Variants in SNX29 observed in about 807,000 individuals in gnomAD.
The protein encoded by SNX29 is sorting nexin 29.
Under a neutral mutation model 102.1 loss-of-function variants are expected in SNX29, and 78 were observed. The observed-to-expected ratio is 0.76, with a 90% CI of 0.64 to 0.92. The LOEUF (loss-of-function observed/expected upper bound fraction) is 0.92, where lower values mean the gene tolerates loss of function less well. Ranked by LOEUF, SNX29 falls within the 40% of genes least tolerant of loss-of-function variation. The pLI, the probability that SNX29 is intolerant of heterozygous loss-of-function variation, is 0.00. For synonymous variants in SNX29, 580 were observed against 414.5 expected (o/e 1.40, Z -4.85); for missense variants, 1,280 against 1,061.7 (o/e 1.21, Z -2.86).
chr16:12,233,290 G>T (rs2077825432), intron 14 of SNX29, among the ~76,000 whole-genome samples: 1 of 152,194 alleles, frequency 6.6e-6, no homozygotes, highest in Non-Finnish European at 1.5e-5. Flanking sequence ...CTTTGCAGCA[G>T]TATGAATGCA....
intron 4 of SNX29, among the ~76,000 whole-genome samples, chr16:12,030,544 G>A (rs1040617382): frequency 8.5e-5 from 13 of 152,166 alleles, no homozygotes; most frequent in Admixed American, 5.9e-4. Flanking sequence ...ATGGGTCCCT[G>A]AGCCACTCGC....
chr16:12,353,930 C>T (rs912883790), intron 15 of SNX29, among the ~76,000 whole-genome samples: 1 of 152,198 alleles, frequency 6.6e-6, no homozygotes, highest in Non-Finnish European at 1.5e-5. Flanking sequence ...CCTGTTCTCT[C>T]TCTGTCCTAT....
intron 3 of SNX29, among the ~76,000 whole-genome samples, chr16:12,019,902 A>G (rs975784321): frequency 1.3e-5 from 2 of 151,794 alleles, no homozygotes; most frequent in African/African-American, 2.4e-5. Context: ...CTCCCAAAGC[A>G]CTGGGATTAC....
chr16:12,467,514 G>C (rs754261378), intron 18 of SNX29, among the ~76,000 whole-genome samples: 1 of 152,138 alleles, frequency 6.6e-6, no homozygotes, highest in Non-Finnish European at 1.5e-5. Flanking sequence ...AGAGGGGCAG[G>C]ACCTGTCAGT....
At chr16:12,560,363 C>T (rs1468327797) in intron 20 of SNX29, among the ~76,000 whole-genome samples, 2 of 152,128 alleles carry the variant, frequency 1.3e-5, no homozygotes, top group Non-Finnish European at 2.9e-5. Context: ...CATCTGGTGA[C>T]AGGTTGTGCG....
intron 3 of SNX29, among the ~76,000 whole-genome samples, chr16:12,004,355 A>T (rs966545222): frequency 6.6e-6 from 1 of 151,822 alleles, no homozygotes; most frequent in Admixed American, 6.6e-5. Flanking sequence ...AAAAAAAAAA[A>T]TTCCTAAAAA....
rs983195561 is a variant in SNX29 at position 12,570,056 on chromosome 16, T to G, written c.*1427T>G. 2.3e-5 allele frequency: 13 copies of G among 576,664 alleles called. No individual in the cohort carries two copies. Among genetic ancestry groups the G allele is most frequent in the Admixed American group, 1.7e-4 (3 of 18,116 alleles). The allele number at this position is 576,664 out of a possible 1,614,324, so 35.7% of individuals were successfully genotyped here. On this transcript the variant is annotated 3_prime_UTR_variant, in exon 21 of 21. Transcript: ENST00000566228. Reference sequence around the variant, plus strand: ...AGCATCTCCTAGGCTCGAGGACATCTCTGGAGAATCATCTGGAAGGTTTAT... The same window carrying G: ...AGCATCTCCTAGGCTCGAGGACATCGCTGGAGAATCATCTGGAAGGTTTAT...
Position 12,410,895 on chromosome 16 carries a change from C to T in SNX29, c.2037+7366C>T, listed in dbSNP as rs568806087. On this transcript the variant is annotated intron_variant, in intron 18 of 20. Transcript: ENST00000566228. ...TGATGTTTTTGGACTTCAGGCTTTG[C>T]GTTTCTCAGCTCTTCCTTTTCATCC... 3.9e-5 allele frequency among the ~76,000 whole-genome samples: 6 copies of T among 152,320 alleles called. No homozygotes were observed. In the East Asian group the frequency reaches 9.6e-4, roughly 24 times the overall value.
chr16:11,983,072 G>C (rs772266793), intron 1 of SNX29, among the ~76,000 whole-genome samples: 1 of 151,710 alleles, frequency 6.6e-6, no homozygotes, highest in Non-Finnish European at 1.5e-5. Context: ...CTGGGATTAC[G>C]GGCGTGCACC....
chr16:12,264,465 A>G (rs2078867760), intron 14 of SNX29, among the ~76,000 whole-genome samples: 1 of 152,218 alleles, frequency 6.6e-6, no homozygotes, highest in South Asian at 2.1e-4. Context: ...CAGAAGTCAC[A>G]TGTGCTTATT....
intron 14 of SNX29, among the ~76,000 whole-genome samples, chr16:12,207,225 T>C (rs1488024889): frequency 3.3e-5 from 5 of 151,894 alleles, no homozygotes; most frequent in Non-Finnish European, 7.4e-5. Flanking sequence ...AAAAATTAGC[T>C]AGGTGTGGTG....
intron 11 of SNX29, chr16:12,087,974 C>T (rs2052294531): frequency 2.2e-6 from 1 of 456,712 alleles, no homozygotes; most frequent in Middle Eastern, 3.3e-4. Flanking sequence ...GTCCTCATGG[C>T]TAGACCCTGT....
intron 18 of SNX29, among the ~76,000 whole-genome samples, chr16:12,436,938 C>A (rs145452502): frequency 6.6e-6 from 1 of 152,360 alleles, no homozygotes; most frequent in East Asian, 1.9e-4. Flanking sequence ...CAGGCATGAG[C>A]CACCACGCCC....
At chr16:12,153,845 C>T (rs187523037) in intron 13 of SNX29, among the ~76,000 whole-genome samples, 4 of 152,096 alleles carry the variant, frequency 2.6e-5, no homozygotes, top group East Asian at 1.9e-4. Context: ...TGTAGCAAGC[C>T]GGTGTGACAG....
chr16:12,483,113 A>ATTTTTTTTT (rs2088027764), intron 19 of SNX29, among the ~76,000 whole-genome samples: 2 of 60,458 alleles, frequency 3.3e-5, no homozygotes, highest in African/African-American at 7.2e-5. Context: ...GAAGTTATTA[A>ATTTTTTTTT]GTTTTTTTTT....
At chr16:12,206,718 C>G (rs996795878) in intron 14 of SNX29, among the ~76,000 whole-genome samples, 5 of 151,762 alleles carry the variant, frequency 3.3e-5, no homozygotes, top group African/African-American at 1.2e-4. Context: ...GCAATGGTTC[C>G]TAGTATTGGC....
At chr16:12,441,277 A>G (rs909645436) in intron 18 of SNX29, among the ~76,000 whole-genome samples, 30 of 151,008 alleles carry the variant, frequency 2.0e-4, no homozygotes, top group African/African-American at 6.3e-4. Context: ...TTTGGTAGAG[A>G]CGGGGTTTCA....
Position 12,398,358 on chromosome 16 carries a change from T to C in SNX29, c.1900-88T>C, listed in dbSNP as rs539147327. 1.8e-5 allele frequency: 25 copies of C among 1,406,942 alleles called. No individual in the cohort carries two copies. The African/African-American group carries it at 3.5e-4, about 20-fold the overall frequency. The allele number at this position is 1,406,942 out of a possible 1,614,324, so 87.2% of individuals were successfully genotyped here. On this transcript the variant is annotated intron_variant, in intron 16 of 20. Transcript: ENST00000566228. ...TCTGAATAGGAAATGTTCAGGGATC[T>C]CTGAGAGGCAGAATTCTTCTGTGAT... is the stretch of plus-strand genomic sequence containing the variant.
chr16:12,284,348 G>C (rs1596754755), intron 15 of SNX29, among the ~76,000 whole-genome samples: 1 of 152,348 alleles, frequency 6.6e-6, no homozygotes, highest in African/African-American at 2.4e-5. Context: ...GAGTGGGTTT[G>C]TTTTGGGAAT....
Sources: allele counts gnomAD v4.1 joint callset (sites outside exome capture counted in the v4.1 genomes callset), GRCh38; gene constraint gnomAD v4.1.1; transcripts MANE v1.5; gene names NCBI Gene and HGNC (gene_info 2026-07-23, HGNC 2026-07-21).